Variants in KALRN observed in about 807,000 individuals in gnomAD.
The protein encoded by KALRN is kalirin RhoGEF kinase, also known as kalirin.
In KALRN, 70 loss-of-function variants were observed where a neutral mutation model predicts 353.7. The ratio of observed to expected loss-of-function variants is 0.20; its 90% CI spans 0.16 to 0.24. The LOEUF is 0.24. Ranked by LOEUF, KALRN falls within the 10% of genes least tolerant of loss-of-function variation. The pLI is 1.00. For missense variants in KALRN, 2,791 were observed against 3,756.7 expected (o/e 0.74, Z 6.72); for synonymous variants, 1,391 against 1,434.8 (o/e 0.97, Z 0.69).
intron 6 of KALRN, among the ~76,000 whole-genome samples, chr3:124,304,595 A>G (rs748319257): frequency 2.6e-5 from 4 of 152,262 alleles, no homozygotes; most frequent in Non-Finnish European, 4.4e-5. Context: ...GAAAAATTTT[A>G]AAACAAGCAT....
chr3:124,518,163 C>T (rs532696594), intron 33 of KALRN, among the ~76,000 whole-genome samples: 10 of 152,172 alleles, frequency 6.6e-5, no homozygotes, highest in African/African-American at 2.4e-4. Flanking sequence ...GGATTGTGGA[C>T]CTGGTGGGCT....
At chr3:124,279,214 G>T (rs2149023569) in intron 5 of KALRN, among the ~76,000 whole-genome samples, 1 of 152,302 alleles carries the variant, frequency 6.6e-6, no homozygotes, top group African/African-American at 2.4e-5. Flanking sequence ...TGGGCCACTT[G>T]TAGCTGAGTG....
chr3:124,044,685 G>A (rs1231015328), intron 1 of KALRN, among the ~76,000 whole-genome samples: 1 of 151,390 alleles, frequency 6.6e-6, no homozygotes, highest in Non-Finnish European at 1.5e-5. Context: ...ATTGTGAATA[G>A]TAATGTAAAT....
chr3:124,281,897 C>G (rs2075378995), intron 5 of KALRN, among the ~76,000 whole-genome samples: 1 of 152,196 alleles, frequency 6.6e-6, no homozygotes, highest in South Asian at 2.1e-4. Context: ...AACCTGTGAA[C>G]ACTGAGCTGA....
intron 1 of KALRN, among the ~76,000 whole-genome samples, chr3:124,044,850 C>T (rs1243418907): frequency 1.2e-5 from 1 of 84,766 alleles, no homozygotes; most frequent in African/African-American, 3.9e-5. Flanking sequence ...TCCCTCCCTC[C>T]CTCCCTCCCT....
intron 1 of KALRN, among the ~76,000 whole-genome samples, chr3:124,090,439 T>C (rs2061049319): frequency 6.6e-6 from 1 of 152,216 alleles, no homozygotes; most frequent in South Asian, 2.1e-4. Flanking sequence ...TTTAAAGCCA[T>C]TGTACAGATG....
chr3:124,337,479 C>T (rs145942427), intron 9 of KALRN, among the ~76,000 whole-genome samples: 2,233 of 152,254 alleles, frequency 0.015, 49 homozygotes, highest in African/African-American at 0.051. Context: ...AGCCTTGCAT[C>T]CCAGGGATGG....
chr3:124,696,625 C>G (rs2062066312), intron 54 of KALRN, among the ~76,000 whole-genome samples: 1 of 152,196 alleles, frequency 6.6e-6, no homozygotes, highest in Non-Finnish European at 1.5e-5. Flanking sequence ...ACGCAATCCT[C>G]CCGTCTTGGC....
chr3:124,706,057 C>T (rs903227305), intron 57 of KALRN, among the ~76,000 whole-genome samples: 1 of 152,102 alleles, frequency 6.6e-6, no homozygotes. Context: ...CAGACACACA[C>T]CATTATGCCC....
chr3:124,420,469 G>A (rs1028319501), intron 14 of KALRN, among the ~76,000 whole-genome samples: 2 of 152,144 alleles, frequency 1.3e-5, no homozygotes, highest in Non-Finnish European at 2.9e-5. Context: ...TAAGGGTCAG[G>A]GGTCATCCCA....
chr3:124,609,917 C>T (rs1368909398), intron 34 of KALRN, among the ~76,000 whole-genome samples: 1 of 151,916 alleles, frequency 6.6e-6, no homozygotes, highest in Non-Finnish European at 1.5e-5. Context: ...CCCAAGGTCA[C>T]CTCACTCTAC....
chr3:124,384,461 A>G (rs1282111334), intron 10 of KALRN: 5 of 163,682 alleles, frequency 3.1e-5, no homozygotes, highest in Non-Finnish European at 5.3e-5. Context: ...TCACATGGAA[A>G]TACAGACCGT....
At chr3:124,149,692 C>A (rs568926849) in intron 1 of KALRN, among the ~76,000 whole-genome samples, 1 of 152,322 alleles carries the variant, frequency 6.6e-6, no homozygotes, top group African/African-American at 2.4e-5. Context: ...ATAATACTAA[C>A]CTTCTCTATT....
In KALRN at chr3:124,659,064, G is replaced by GAAGTGGCA. The variant is rs1031236416; in HGVS notation, c.6124-295_6124-294insCAAAGTGG. Among the ~76,000 whole-genome samples, 4 of 149,324 alleles carry GAAGTGGCA rather than the reference G, an allele frequency of 2.7e-5. No individual in the cohort carries two copies. The East Asian group carries it at 7.8e-4, about 29-fold the overall frequency. On this transcript the variant is annotated intron_variant, in intron 42 of 59. Transcript: ENST00000682506. ...AGCCCCTTTTCCCTGCCTTTGCCCT[G>GAAGTGGCA]AAGTGGTGGAGAGAATAAGGCCCCT...
chr3:124,424,366 A>G (rs1442257086), intron 15 of KALRN, among the ~76,000 whole-genome samples: 1 of 152,182 alleles, frequency 6.6e-6, no homozygotes, highest in Non-Finnish European at 1.5e-5. Context: ...CTGATTTAGT[A>G]TGAGAGCCAA....
At chr3:124,596,049 A>G (rs927881818) in intron 34 of KALRN, among the ~76,000 whole-genome samples, 1 of 152,240 alleles carries the variant, frequency 6.6e-6, no homozygotes, top group African/African-American at 2.4e-5. Flanking sequence ...TTCTACAAAT[A>G]GAATGATATC....
Position 124,334,202 on chromosome 3 carries a change from G to A in KALRN, c.1417-63G>A, listed in dbSNP as rs1194668814. 2.9e-6 allele frequency: 4 copies of A among 1,394,186 alleles called. No homozygotes were observed. Among genetic ancestry groups the A allele is most frequent in the Non-Finnish European group, 2.0e-6 (2 of 983,808 alleles). The allele number at this position is 1,394,186 out of a possible 1,614,324, so 86.4% of individuals were successfully genotyped here. Reference sequence around the variant, plus strand: ...AGGGACCCTCAGGCAGACACTTCCTGCTTCTCTCTGTGCCCTGCCTATCAC... The same window carrying A: ...AGGGACCCTCAGGCAGACACTTCCTACTTCTCTCTGTGCCCTGCCTATCAC... On this transcript the variant is annotated intron_variant, in intron 8 of 59. Transcript: ENST00000682506. This position sits in a 1 kb window ranked among gnomAD's most constrained non-coding sequence, Gnocchi z 4.2.
At chr3:124,292,930 T>A (rs1250597312) in intron 5 of KALRN, among the ~76,000 whole-genome samples, 2 of 152,224 alleles carry the variant, frequency 1.3e-5, no homozygotes, top group African/African-American at 4.8e-5. Context: ...ATTTTATAGA[T>A]AAGGAACTGA....
intron 49 of KALRN, among the ~76,000 whole-genome samples, chr3:124,675,853 T>C (rs923627548): frequency 1.3e-5 from 2 of 152,168 alleles, no homozygotes; most frequent in African/African-American, 4.8e-5. Flanking sequence ...CCATGAGCTA[T>C]CTGAGCAGTG....
Sources: gnomAD v4.1 joint callset for allele counts (sites outside exome capture counted in the v4.1 genomes callset) on GRCh38, gnomAD v4.1.1 for gene constraint, Gnocchi (gnomAD v3.1) non-coding constraint, MANE v1.5 for transcripts, NCBI Gene and HGNC (gene_info 2026-07-23, HGNC 2026-07-21) for gene names.